RGL1: variants seen among roughly 807,000 people sequenced by gnomAD.
RGL1 encodes ral guanine nucleotide dissociation stimulator like 1, also known as ral guanine nucleotide dissociation stimulator-like 1.
A neutral mutation model predicts 95.2 loss-of-function variants in RGL1; 24 were observed. The observed-to-expected ratio is 0.25, with a 90% confidence interval of 0.18 to 0.35. RGL1 has a LOEUF of 0.35. RGL1 is among the 10% of genes least tolerant of loss of function. The pLI is 1.00. For synonymous variants in RGL1, 329 were observed against 344.9 expected, an observed-to-expected ratio of 0.95 and a Z score of 0.51; for missense variants, 715 against 936.3, an observed-to-expected ratio of 0.76 and a Z score of 3.08.
chr1:183,903,358 T>C (rs973031113), intron 12 of RGL1, among the ~76,000 whole-genome samples: 4 of 152,200 alleles, frequency 2.6e-5, no homozygotes, highest in Non-Finnish European at 5.9e-5. Flanking sequence ...TTCCTGTGGA[T>C]AGCACAGTTC....
chr1:183,814,422 A>G (rs1419845576), intron 2 of RGL1, among the ~76,000 whole-genome samples: 1 of 152,098 alleles, frequency 6.6e-6, no homozygotes. Context: ...TGGTGGTTCT[A>G]GATCTTTTTT....
chr1:183,678,642 G>T lies in RGL1; in HGVS notation c.-33+42141G>T, dbSNP rs1174680. ...CCCTGAGACAGGGTCTTCCTCTGTC[G>T]CCAGGCTGGAGTGCAGTGGTGTGAT... On this transcript the variant is annotated intron_variant, in intron 1 of 18. Coordinates refer to the RGL1 transcript ENST00000304685. Among the ~76,000 whole-genome samples, 5 of 150,730 alleles carry T rather than the reference G, an allele frequency of 3.3e-5. No homozygotes were observed. In the East Asian group the frequency reaches 9.8e-4, roughly 29 times the overall value.
At chr1:183,863,302 TTTCTTC>T (rs759260181) in intron 3 of RGL1, among the ~76,000 whole-genome samples, 11 of 152,176 alleles carry the variant, frequency 7.2e-5, no homozygotes, top group Admixed American at 2.0e-4. Context: ...CTTTTTCTTT[TTTCTTC>T]TTCTTCTTCT....
intron 2 of RGL1, among the ~76,000 whole-genome samples, chr1:183,812,325 G>A (rs1431097759): frequency 1.3e-5 from 2 of 152,228 alleles, no homozygotes; most frequent in South Asian, 2.1e-4. Flanking sequence ...ATCTCAAGAC[G>A]TAGAGTTGAT....
chr1:183,861,293 G>T (rs1665496914), intron 3 of RGL1, among the ~76,000 whole-genome samples: 2 of 152,192 alleles, frequency 1.3e-5, no homozygotes, highest in South Asian at 2.1e-4. Flanking sequence ...AGACTTTCCT[G>T]TTGGGGAGCA....
At chr1:183,814,852 G>A (rs1233557586) in intron 2 of RGL1, among the ~76,000 whole-genome samples, 3 of 152,226 alleles carry the variant, frequency 2.0e-5, no homozygotes, top group Non-Finnish European at 4.4e-5. Context: ...TGGTGATGGA[G>A]CTAGAGTCTG....
At chr1:183,845,567 C>G (rs1664364809) in intron 2 of RGL1, among the ~76,000 whole-genome samples, 1 of 152,142 alleles carries the variant, frequency 6.6e-6, no homozygotes, top group African/African-American at 2.4e-5. Context: ...TTAGACTTTG[C>G]AAGTTTCCAG....
At chr1:183,657,338 G>A (rs1040205291) in intron 1 of RGL1, among the ~76,000 whole-genome samples, 4 of 151,970 alleles carry the variant, frequency 2.6e-5, no homozygotes, top group African/African-American at 7.3e-5. Flanking sequence ...TGTGCACAAC[G>A]TGCAGGTTTG....
intron 17 of RGL1, among the ~76,000 whole-genome samples, chr1:183,922,622 A>G (rs1669378364): frequency 6.6e-6 from 1 of 152,128 alleles, no homozygotes; most frequent in Non-Finnish European, 1.5e-5. Context: ...TCTAGGAAGA[A>G]GTGTCTCCCT....
At chr1:183,725,662 C>T (rs969319889) in intron 1 of RGL1, among the ~76,000 whole-genome samples, 10 of 152,064 alleles carry the variant, frequency 6.6e-5, no homozygotes, top group East Asian at 5.8e-4. Flanking sequence ...TATAACTAAA[C>T]CTCAAAATTC....
chr1:183,919,528 C>T (rs1669191299), intron 16 of RGL1, among the ~76,000 whole-genome samples: 1 of 152,188 alleles, frequency 6.6e-6, no homozygotes, highest in Non-Finnish European at 1.5e-5. Context: ...ACCCCACGGG[C>T]CATAGATTGC....
At chr1:183,721,641 C>T (rs143295974) in intron 1 of RGL1, among the ~76,000 whole-genome samples, 12 of 152,188 alleles carry the variant, frequency 7.9e-5, no homozygotes, top group African/African-American at 1.9e-4. Flanking sequence ...TATACAAATG[C>T]GCACTCTAAT....
intron 2 of RGL1, among the ~76,000 whole-genome samples, chr1:183,761,089 A>G (rs1486812003): frequency 6.6e-6 from 1 of 152,232 alleles, no homozygotes; most frequent in Non-Finnish European, 1.5e-5. Context: ...GGTTGAAATC[A>G]ACCTCTTTTA....
At chr1:183,744,463 A>G (rs1403176700) in intron 2 of RGL1, among the ~76,000 whole-genome samples, 1 of 152,134 alleles carries the variant, frequency 6.6e-6, no homozygotes, top group African/African-American at 2.4e-5. Context: ...TATGCCCTGT[A>G]CTTGCACAAA....
chr1:183,670,025 G>C (rs889985626), intron 1 of RGL1, among the ~76,000 whole-genome samples: 1 of 152,054 alleles, frequency 6.6e-6, no homozygotes, highest in African/African-American at 2.4e-5. Context: ...ATTTGGGTGG[G>C]GACACAGCCA....
chr1:183,769,384 A>C (rs1659161767), intron 2 of RGL1, among the ~76,000 whole-genome samples: 1 of 152,258 alleles, frequency 6.6e-6, no homozygotes, highest in African/African-American at 2.4e-5. Context: ...CAAAACCCAG[A>C]CAAAAATGTA....
intron 1 of RGL1, chr1:183,742,122 A>G: frequency 1.2e-6 from 2 of 1,612,344 alleles, no homozygotes; most frequent in Non-Finnish European, 1.7e-6. Flanking sequence ...ATTCTTCCAC[A>G]CAGATCCGTA....
At chr1:183,688,934 A>G (rs1161548096) in intron 1 of RGL1, among the ~76,000 whole-genome samples, 1 of 152,216 alleles carries the variant, frequency 6.6e-6, no homozygotes, top group Non-Finnish European at 1.5e-5. Flanking sequence ...GCAGACAGAG[A>G]AACTGAAATT....
At chr1:183,905,026 C>G in intron 13 of RGL1, 55 bp downstream of exon 13, 12 of 1,580,842 alleles carry the variant, frequency 7.6e-6, no homozygotes, top group South Asian at 1.2e-5. Context: ...AAGAAAAATG[C>G]TGCATTTAAT....
Sources: allele counts gnomAD v4.1 joint callset (sites outside exome capture counted in the v4.1 genomes callset), GRCh38; gene constraint gnomAD v4.1.1; transcripts MANE v1.5; gene names NCBI Gene and HGNC (gene_info 2026-07-23, HGNC 2026-07-21).